Variants in CPM observed in about 807,000 individuals in gnomAD.
CPM encodes renal carboxypeptidase.
CPM carries 35 observed loss-of-function variants against 46.4 expected under a neutral mutation model. The observed-to-expected ratio is 0.75, with a 90% CI of 0.58 to 1.00. The LOEUF (loss-of-function observed/expected upper bound fraction) is 1.00, where lower values mean the gene tolerates loss of function less well. Ranked by LOEUF, CPM falls within the 50% of genes least tolerant of loss-of-function variation. The pLI, the probability that CPM is intolerant of heterozygous loss-of-function variation, is 0.00. For missense variants in CPM, 422 were observed against 530.4 expected (o/e 0.80, Z 2.01); for synonymous variants, 195 against 195.3 (o/e 1.00, Z 0.01).
At chr12:68,897,908 G>A (rs970790938) in intron 2 of CPM, among the ~76,000 whole-genome samples, 15 of 152,124 alleles carry the variant, frequency 9.9e-5, no homozygotes, top group African/African-American at 2.7e-4. Context: ...ATGCAGTGGT[G>A]CAATCATGGC....
intron 3 of CPM, among the ~76,000 whole-genome samples, chr12:68,884,284 C>T (rs568233875): frequency 5.9e-5 from 9 of 152,196 alleles, no homozygotes; most frequent in South Asian, 2.1e-4. Flanking sequence ...TTAAAGAAGC[C>T]GCCCGTGATG....
chr12:68,909,408 T>G (rs574582251), intron 2 of CPM, among the ~76,000 whole-genome samples: 62 of 152,210 alleles, frequency 4.1e-4, no homozygotes, highest in Non-Finnish European at 7.6e-4. Flanking sequence ...GGAAAAAAAT[T>G]AGTGTTGGTT....
intron 3 of CPM, among the ~76,000 whole-genome samples, chr12:68,879,996 G>A (rs991298499): frequency 2.6e-5 from 4 of 152,076 alleles, no homozygotes; most frequent in African/African-American, 9.7e-5. Flanking sequence ...TGAGGTGATG[G>A]GGGAAGGTGA....
At chr12:68,879,547 T>C (rs1017484482) in intron 3 of CPM, among the ~76,000 whole-genome samples, 2 of 152,092 alleles carry the variant, frequency 1.3e-5, no homozygotes, top group Non-Finnish European at 2.9e-5. Flanking sequence ...AATTTTTTTT[T>C]AGAGACAAGG....
At chr12:68,956,385 A>G (rs1458628382) in intron 1 of CPM, among the ~76,000 whole-genome samples, 1 of 152,178 alleles carries the variant, frequency 6.6e-6, no homozygotes, top group African/African-American at 2.4e-5. Flanking sequence ...CAGGGATCCC[A>G]TCCCGCCAAC....
At chr12:68,944,786 A>G (rs1170117534) in intron 1 of CPM, among the ~76,000 whole-genome samples, 1 of 152,068 alleles carries the variant, frequency 6.6e-6, no homozygotes, top group Non-Finnish European at 1.5e-5. Context: ...GTTACCACTC[A>G]AATCAGTCTT....
intron 2 of CPM, among the ~76,000 whole-genome samples, chr12:68,908,711 G>A (rs374774042): frequency 7.9e-5 from 12 of 152,198 alleles, no homozygotes; most frequent in African/African-American, 2.9e-4. Flanking sequence ...ATGACCTTGG[G>A]GGAAAGAGGG....
At chr12:68,878,930 G>A (rs1886073756) in intron 3 of CPM, among the ~76,000 whole-genome samples, 1 of 152,240 alleles carries the variant, frequency 6.6e-6, no homozygotes, top group Non-Finnish European at 1.5e-5. Flanking sequence ...GCTCAAGCCT[G>A]TAATCCCAAC....
intron 3 of CPM, among the ~76,000 whole-genome samples, chr12:68,882,014 G>A (rs1408198116): frequency 5.1e-5 from 7 of 136,138 alleles, no homozygotes; most frequent in East Asian, 2.2e-4. Context: ...GAGCCACCAC[G>A]CCCGGCCTGC....
chr12:68,923,160 AGTGTGT>A (rs869087872), intron 2 of CPM, among the ~76,000 whole-genome samples: 6,870 of 45,042 alleles, frequency 0.15, 209 homozygotes, highest in Middle Eastern at 0.22. Flanking sequence ...TTTGATATAG[AGTGTGT>A]GTGTGTGTGT....
intron 3 of CPM, among the ~76,000 whole-genome samples, chr12:68,884,110 GAAAAA>G (rs35514888): frequency 2.8e-4 from 18 of 63,862 alleles, no homozygotes; most frequent in African/African-American, 8.6e-4. Flanking sequence ...AATTCCATCG[GAAAAA>G]AAAAAAAAAA....
chr12:68,927,625 AT>A (rs1888325020), intron 2 of CPM, among the ~76,000 whole-genome samples: 1 of 152,160 alleles, frequency 6.6e-6, no homozygotes, highest in Non-Finnish European at 1.5e-5. Context: ...TGTTTTAGAC[AT>A]GAAGTCCTTG....
In CPM at chr12:68,853,688, T is replaced by G. The variant is rs1364983677; in HGVS notation, c.*2749A>C. The G allele has an allele frequency of 6.6e-6, 1 of 151,036 alleles. No homozygotes were observed. Among genetic ancestry groups the G allele is most frequent in the East Asian group, 2.0e-4 (1 of 5,128 alleles). The allele number at this position is 151,036 out of a possible 1,614,324, so 9.4% of individuals were successfully genotyped here. ...TACACCACACTTCTAGAAATCAGCC[T>G]ATATTACTGTCACACTGGGGATTAA... On this transcript the variant is annotated 3_prime_UTR_variant, in exon 9 of 9. Coordinates refer to ENST00000551568, the MANE Select transcript of CPM (RefSeq NM_198320.5).
At chr12:68,946,715 C>T (rs1014439870) in intron 1 of CPM, among the ~76,000 whole-genome samples, 1 of 152,284 alleles carries the variant, frequency 6.6e-6, no homozygotes, top group African/African-American at 2.4e-5. Flanking sequence ...TAATAGTGTC[C>T]TGTTACAAAA....
chr12:68,896,959 A>G (rs1452165387), intron 2 of CPM, among the ~76,000 whole-genome samples: 2 of 152,126 alleles, frequency 1.3e-5, no homozygotes, highest in African/African-American at 4.8e-5. Context: ...GGGTTGCAAT[A>G]AATTTTCTTT....
intron 1 of CPM, among the ~76,000 whole-genome samples, chr12:68,948,166 G>A (rs936553746): frequency 5.3e-5 from 8 of 152,120 alleles, no homozygotes; most frequent in African/African-American, 1.9e-4. Context: ...CTGTCCCCTT[G>A]ATCTGTTCCC....
intron 1 of CPM, among the ~76,000 whole-genome samples, chr12:68,939,927 T>C (rs945280531): frequency 6.6e-6 from 1 of 152,108 alleles, no homozygotes; most frequent in Non-Finnish European, 1.5e-5. Flanking sequence ...TTATTGAACA[T>C]TTATTGTTCT....
At chr12:68,870,727 G>A (rs1028072299) in intron 4 of CPM, among the ~76,000 whole-genome samples, 34 of 152,216 alleles carry the variant, frequency 2.2e-4, no homozygotes, top group African/African-American at 8.2e-4. Flanking sequence ...GAGAGTCCAC[G>A]GAGAGTCCAT....
chr12:68,925,280 T>C (rs1263317558), intron 2 of CPM, among the ~76,000 whole-genome samples: 1 of 152,218 alleles, frequency 6.6e-6, no homozygotes, highest in Non-Finnish European at 1.5e-5. Flanking sequence ...ATTTCCTTTT[T>C]GGGTATGTAT....
Sources: gnomAD v4.1 joint callset for allele counts (sites outside exome capture counted in the v4.1 genomes callset) on GRCh38, gnomAD v4.1.1 for gene constraint, MANE v1.5 for transcripts, NCBI Gene and HGNC (gene_info 2026-07-23, HGNC 2026-07-21) for gene names.